The following MINDY2 variants were observed in gnomAD, a reference collection of about 807,000 sequenced individuals.
MINDY2 encodes MINDY lysine 48 deubiquitinase 2, also known as ubiquitin carboxyl-terminal hydrolase MINDY-2.
In MINDY2, 52 loss-of-function variants were observed where a neutral mutation model predicts 68.2. The observed-to-expected ratio is 0.76, with a 90% CI of 0.61 to 0.96. MINDY2 has a LOEUF of 0.96. Among genes scored for constraint, MINDY2 ranks in the 40% least tolerant of loss-of-function variants. MINDY2 has a pLI of 0.00. For synonymous variants in MINDY2, 372 were observed against 303.0 expected, an observed-to-expected ratio of 1.23 and a Z score of -2.36; for missense variants, 881 against 773.4, an observed-to-expected ratio of 1.14 and a Z score of -1.65.
intron 3 of MINDY2, among the ~76,000 whole-genome samples, chr15:58,805,818 G>A (rs1470765895): frequency 6.6e-6 from 1 of 152,186 alleles, no homozygotes; most frequent in African/African-American, 2.4e-5. Flanking sequence ...GCACATGCCT[G>A]TAATCCCAGC....
intron 3 of MINDY2, among the ~76,000 whole-genome samples, chr15:58,806,031 G>A (rs1420770570): frequency 6.6e-6 from 1 of 152,164 alleles, no homozygotes; most frequent in African/African-American, 2.4e-5. Context: ...CCGAGATCAC[G>A]CCACTGCACT....
chr15:58,799,384 A>G (rs1328942059), intron 2 of MINDY2, among the ~76,000 whole-genome samples: 2 of 152,104 alleles, frequency 1.3e-5, no homozygotes, highest in East Asian at 1.9e-4. Flanking sequence ...TGGCTAACAC[A>G]GTGAAACCCT....
intron 1 of MINDY2, among the ~76,000 whole-genome samples, chr15:58,784,054 A>C (rs796709849): frequency 1.1e-4 from 17 of 152,234 alleles, no homozygotes; most frequent in African/African-American, 3.9e-4. Context: ...GGCCGAGTGC[A>C]GTGGCTCACA....
intron 7 of MINDY2, among the ~76,000 whole-genome samples, chr15:58,849,211 A>G: frequency 6.9e-6 from 1 of 145,090 alleles, no homozygotes; most frequent in African/African-American, 2.5e-5. Context: ...GTCTGTCTCA[A>G]AAAAAAAAAG....
intron 3 of MINDY2, among the ~76,000 whole-genome samples, chr15:58,804,700 G>C (rs2140960924): frequency 6.6e-6 from 1 of 152,212 alleles, no homozygotes; most frequent in South Asian, 2.1e-4. Context: ...CCAGCTACTT[G>C]GGAGGCTGAG....
chr15:58,858,002 T>C lies in MINDY2; in HGVS notation c.*3392T>C, dbSNP rs2033114014. ...AACACTTAAAAGTACTTTACATATGTGTGTTTCTGAAGCAAGTTTTCATGA... is the reference window on the plus strand; with the variant it reads ...AACACTTAAAAGTACTTTACATATGCGTGTTTCTGAAGCAAGTTTTCATGA... On this transcript the variant is annotated 3_prime_UTR_variant, in exon 9 of 9. Coordinates refer to ENST00000559228, the MANE Select transcript of MINDY2 (RefSeq NM_001040450.3). 6.6e-6 allele frequency: 1 copy of C among 152,214 alleles called. No individual in the cohort carries two copies. The highest frequency in any genetic ancestry group is 2.4e-5 in the African/African-American group (1 of 41,464). 9.4% of individuals were successfully genotyped at this position (152,214 alleles called of 1,614,324 possible). A position where few individuals can be genotyped will look rare whatever the true frequency, so the allele number is the denominator to read the frequency against.
intron 2 of MINDY2, among the ~76,000 whole-genome samples, chr15:58,800,730 A>C (rs543337405): frequency 6.7e-6 from 1 of 149,158 alleles, no homozygotes; most frequent in South Asian, 2.1e-4. Flanking sequence ...GCTACTCAGG[A>C]AGCTGAGGTG....
intron 1 of MINDY2, among the ~76,000 whole-genome samples, chr15:58,774,182 A>C (rs970618011): frequency 8.5e-5 from 13 of 152,208 alleles, no homozygotes; most frequent in Admixed American, 3.9e-4. Flanking sequence ...TGCGTGAGGT[A>C]CTAGAAATGC....
At chr15:58,823,811 T>G (rs1472423286) in intron 5 of MINDY2, among the ~76,000 whole-genome samples, 2 of 152,204 alleles carry the variant, frequency 1.3e-5, no homozygotes, top group Non-Finnish European at 2.9e-5. Flanking sequence ...AAAAGTATAT[T>G]CTCTCAATTA....
chr15:58,824,671 CTTTTTTTTTT>C, intron 5 of MINDY2, among the ~76,000 whole-genome samples: 1 of 135,176 alleles, frequency 7.4e-6, no homozygotes, highest in Non-Finnish European at 1.6e-5. Context: ...ATCATATTAT[CTTTTTTTTTT>C]TTTTTTTTGA....
chr15:58,804,178 T>C lies in MINDY2; in HGVS notation c.963+1801T>C, dbSNP rs1249430392. Among the ~76,000 whole-genome samples the C allele has an allele frequency of 2.0e-5, 3 of 151,964 alleles. No individual in the cohort carries two copies. In the East Asian group the frequency reaches 5.8e-4, roughly 29 times the overall value. On this transcript the variant is annotated intron_variant, in intron 3 of 8. Coordinates refer to ENST00000559228, the MANE Select transcript of MINDY2 (RefSeq NM_001040450.3). ...TGTAGCTAAAGCCAGATTTGTATTCTAAGTGATTTAAATTTTATCAGGGGA... is the reference window on the plus strand; with the variant it reads ...TGTAGCTAAAGCCAGATTTGTATTCCAAGTGATTTAAATTTTATCAGGGGA...
At chr15:58,838,811 C>G (rs1197146200) in intron 6 of MINDY2, among the ~76,000 whole-genome samples, 1 of 151,936 alleles carries the variant, frequency 6.6e-6, no homozygotes, top group Non-Finnish European at 1.5e-5. Context: ...AAATCCCTGA[C>G]ATCAAGTGAT....
intron 4 of MINDY2, among the ~76,000 whole-genome samples, chr15:58,818,495 G>A (rs554324899): frequency 1.8e-4 from 27 of 152,028 alleles, no homozygotes; most frequent in Admixed American, 7.9e-4. Flanking sequence ...GACTGAAGCC[G>A]TCCTCCCCTG....
In MINDY2 at chr15:58,771,746, C is replaced by T. The variant is rs377735527; in HGVS notation, c.351C>T (p.Ala117=). The T allele has an allele frequency of 3.9e-5, 63 of 1,611,356 alleles. No homozygotes were observed. The highest frequency in any genetic ancestry group is 2.9e-4 in the African/African-American group (22 of 74,886). Residue 117 remains alanine (A), a synonymous_variant, in exon 1 of 9, where the codon GCC becomes GCT. Transcript: ENST00000559228. ...CCGCCTCCCCGGAGACAGCCGTGGC[C>T]GGAGTGGGTCATGAGTTGGGTACCG... ...KVTASPETAV[A]GVGHELGTAG...
chr15:58,779,309 A>G (rs765747635), intron 1 of MINDY2, among the ~76,000 whole-genome samples: 31 of 152,200 alleles, frequency 2.0e-4, no homozygotes, highest in Admixed American at 1.6e-3. Context: ...GACGTATGCT[A>G]TTGTCTCATC....
chr15:58,851,397 T>G (rs1405009823), intron 7 of MINDY2, among the ~76,000 whole-genome samples: 1 of 152,152 alleles, frequency 6.6e-6, no homozygotes, highest in African/African-American at 2.4e-5. Context: ...TTTATTTTAA[T>G]TATTTTGTTA....
chr15:58,841,610 C>T (rs543789723), intron 6 of MINDY2, among the ~76,000 whole-genome samples: 27 of 151,460 alleles, frequency 1.8e-4, no homozygotes, highest in Admixed American at 9.2e-4. Flanking sequence ...TCACCATGTT[C>T]GTCAGGCTGG....
chr15:58,799,527 C>T (rs1432034237), intron 2 of MINDY2, among the ~76,000 whole-genome samples: 3 of 150,002 alleles, frequency 2.0e-5, no homozygotes, highest in African/African-American at 4.9e-5. Context: ...TGCAGTGAGC[C>T]GAGATGGCAC....
chr15:58,827,639 T>G (rs2031481437), intron 5 of MINDY2, among the ~76,000 whole-genome samples: 1 of 152,102 alleles, frequency 6.6e-6, no homozygotes, highest in South Asian at 2.1e-4. Flanking sequence ...AATTTTTTTG[T>G]ACTTTTAGTA....
Sources: gnomAD v4.1 joint callset for allele counts (sites outside exome capture counted in the v4.1 genomes callset) on GRCh38, gnomAD v4.1.1 for gene constraint, MANE v1.5 for transcripts, NCBI Gene and HGNC (gene_info 2026-07-23, HGNC 2026-07-21) for gene names.